The following MEIS2 variants were observed in gnomAD, a reference collection of about 807,000 sequenced individuals.
The protein encoded by MEIS2 is Meis homeobox 2, also known as homeobox protein Meis2.
MEIS2 carries 9 observed loss-of-function variants against 58.6 expected under a neutral mutation model. The ratio of observed to expected loss-of-function variants is 0.15; its 90% CI spans 0.09 to 0.27. MEIS2 has a LOEUF of 0.27. Among genes scored for constraint, MEIS2 ranks in the 10% least tolerant of loss-of-function variants. The pLI is 1.00. For missense variants in MEIS2, 427 were observed against 635.0 expected, an observed-to-expected ratio of 0.67 and a Z score of 3.52; for synonymous variants, 221 against 228.4, an observed-to-expected ratio of 0.97 and a Z score of 0.29.
At position 36,937,556 on chromosome 15, in the gene MEIS2, T is replaced by C. The variant is rs540631834; in HGVS notation, c.977+12768A>G. On this transcript the variant is annotated intron_variant, in intron 9 of 11. Coordinates refer to ENST00000561208, the MANE Select transcript of MEIS2 (RefSeq NM_170675.5). The stretch of plus-strand genomic sequence containing the variant: ...ATGGTATTTCATTTTTCACTACTGC[T>C]GCCTTTTAAAAATTTATAAATTGCT... Among the ~76,000 whole-genome samples the C allele has an allele frequency of 1.8e-4, 28 of 152,332 alleles. 1 individual carries two copies. The highest frequency in any genetic ancestry group is 1.8e-3 in the Admixed American group (27 of 15,300).
At chr15:36,896,738 G>A (rs766467747) in intron 9 of MEIS2, 52 bp from the exon 10 acceptor site, 29 of 1,427,884 alleles carry the variant, frequency 2.0e-5, no homozygotes, top group East Asian at 6.8e-5. Flanking sequence ...TGTACTCTGC[G>A]AACACCTTTG....
At chr15:36,988,874 C>T (rs758961324) in intron 8 of MEIS2, among the ~76,000 whole-genome samples, 7 of 152,072 alleles carry the variant, frequency 4.6e-5, no homozygotes, top group Non-Finnish European at 7.4e-5. Flanking sequence ...TTACTTATTA[C>T]TAGATCATCT....
intron 9 of MEIS2, among the ~76,000 whole-genome samples, chr15:36,910,495 G>A (rs1469536707): frequency 6.6e-6 from 1 of 152,100 alleles, no homozygotes; most frequent in Admixed American, 6.5e-5. Flanking sequence ...ATTTTGAGGG[G>A]CACTCGGGTT....
intron 9 of MEIS2, among the ~76,000 whole-genome samples, chr15:36,923,721 C>T (rs1386126404): frequency 6.6e-6 from 1 of 152,206 alleles, no homozygotes; most frequent in Non-Finnish European, 1.5e-5. Flanking sequence ...CTGTCAGTTT[C>T]CCCCAGCATG....
At chr15:37,008,011 A>G (rs115625305) in intron 8 of MEIS2, among the ~76,000 whole-genome samples, 4,010 of 152,332 alleles carry the variant, frequency 0.026, 175 homozygotes, top group African/African-American at 0.093. Flanking sequence ...ATCAATAAGG[A>G]TACCTTTTTA....
chr15:37,095,414 G>A, intron 4 of MEIS2, 150 bp downstream of exon 4: 1 of 1,194,084 alleles, frequency 8.4e-7, no homozygotes, highest in Non-Finnish European at 1.2e-6. Context: ...CTCCCGTGCG[G>A]GGGCTCTAAG....
intron 7 of MEIS2, among the ~76,000 whole-genome samples, chr15:37,082,526 A>T (rs1892368294): frequency 6.6e-6 from 1 of 152,114 alleles, no homozygotes; most frequent in Non-Finnish European, 1.5e-5. Flanking sequence ...GACCCTATGT[A>T]CCAGTTACCT....
intron 1 of MEIS2, chr15:37,099,022 GC>G: frequency 1.0e-6 from 1 of 983,214 alleles, no homozygotes; most frequent in Non-Finnish European, 1.2e-6. Context: ...CCCAGCGGCG[GC>G]CCCGGCGGCG....
intron 9 of MEIS2, among the ~76,000 whole-genome samples, chr15:36,926,537 A>G (rs1458600992): frequency 6.6e-6 from 1 of 152,216 alleles, no homozygotes; most frequent in African/African-American, 2.4e-5. Flanking sequence ...TGTTCTGGGA[A>G]AGTAGCCTTT....
chr15:36,978,063 G>A (rs1479168651), intron 8 of MEIS2, among the ~76,000 whole-genome samples: 1 of 152,154 alleles, frequency 6.6e-6, no homozygotes, highest in African/African-American at 2.4e-5. Flanking sequence ...TTATTTTCTG[G>A]TGAAACCATG....
intron 8 of MEIS2, among the ~76,000 whole-genome samples, chr15:36,980,539 C>G (rs554547347): frequency 1.3e-5 from 2 of 152,224 alleles, no homozygotes; most frequent in South Asian, 4.1e-4. Context: ...GACTTACTAT[C>G]ATGGGAAACA....
intron 6 of MEIS2, among the ~76,000 whole-genome samples, chr15:37,090,310 T>C (rs1194667374): frequency 6.6e-6 from 1 of 152,014 alleles, no homozygotes; most frequent in Non-Finnish European, 1.5e-5. Context: ...CCTCTTTCCA[T>C]TACACCCATC....
intron 8 of MEIS2, among the ~76,000 whole-genome samples, chr15:37,014,151 C>G (rs920993433): frequency 6.6e-6 from 1 of 152,176 alleles, no homozygotes; most frequent in Non-Finnish European, 1.5e-5. Context: ...CTACTGTGAT[C>G]TATTGCAAAG....
intron 7 of MEIS2, among the ~76,000 whole-genome samples, chr15:37,077,056 G>T (rs1891518161): frequency 6.6e-6 from 1 of 152,028 alleles, no homozygotes; most frequent in Admixed American, 6.6e-5. Flanking sequence ...GAAATGATTG[G>T]TTGAAAATTA....
intron 8 of MEIS2, among the ~76,000 whole-genome samples, chr15:36,952,611 G>C (rs62002404): frequency 0.26 from 16,694 of 63,398 alleles, 935 homozygotes; most frequent in Middle Eastern, 0.33. Flanking sequence ...CTCTCTCTGT[G>C]TGTGTGTGTG....
In MEIS2 at chr15:37,093,727, G is replaced by A; in HGVS notation, c.493C>T (p.His165Tyr). 6.2e-7 allele frequency: 1 copy of A among 1,614,070 alleles called. No individual in the cohort carries two copies. The highest frequency in any genetic ancestry group is 8.5e-7 in the Non-Finnish European group (1 of 1,179,974). ...TGGCAGAAGTTATCGCACAGTTCGTGGACCTAGAACGAAGGTCATGGTGGA... is the reference window on the plus strand; with the variant it reads ...TGGCAGAAGTTATCGCACAGTTCGTAGACCTAGAACGAAGGTCATGGTGGA... Reference protein sequence around the residue: ...RFHLLELEKVHELCDNFCHRY... With the variant: ...RFHLLELEKVYELCDNFCHRY... Residue 165 changes from histidine (H) to tyrosine (Y), a missense_variant, in exon 6 of 12, where the codon CAC (histidine) becomes TAC (tyrosine). Physicochemically the swap from His to Tyr is moderately conservative, Grantham distance 83. Coordinates refer to ENST00000561208, the MANE Select transcript of MEIS2 (RefSeq NM_170675.5).
At chr15:37,017,822 G>A (rs1344201233) in intron 8 of MEIS2, among the ~76,000 whole-genome samples, 1 of 151,998 alleles carries the variant, frequency 6.6e-6, no homozygotes, top group Non-Finnish European at 1.5e-5. Flanking sequence ...TTTGTGTTCC[G>A]TCAAGCAAAA....
At chr15:37,054,314 A>T (rs1478480085) in intron 7 of MEIS2, among the ~76,000 whole-genome samples, 1 of 152,060 alleles carries the variant, frequency 6.6e-6, no homozygotes, top group African/African-American at 2.4e-5. Flanking sequence ...AATTCTAAAA[A>T]TGGAAGCCCT....
At chr15:36,922,007 T>C (rs1308364817) in intron 9 of MEIS2, among the ~76,000 whole-genome samples, 3 of 152,242 alleles carry the variant, frequency 2.0e-5, no homozygotes, top group Middle Eastern at 3.2e-3. Context: ...TGGACTGATA[T>C]GGAAATGAAT....
Sources: allele counts gnomAD v4.1 joint callset (sites outside exome capture counted in the v4.1 genomes callset), GRCh38; gene constraint gnomAD v4.1.1; transcripts MANE v1.5; gene names NCBI Gene and HGNC (gene_info 2026-07-23, HGNC 2026-07-21).